CEP112: variants seen among roughly 807,000 people sequenced by gnomAD.
The protein encoded by CEP112 is centrosomal protein of 112 kDa.
CEP112 carries 127 observed loss-of-function variants against 153.0 expected under a neutral mutation model. The observed-to-expected ratio is 0.83, with a 90% CI of 0.72 to 0.96. CEP112 has a LOEUF of 0.96. Among genes scored for constraint, CEP112 ranks in the 40% least tolerant of loss-of-function variants. The pLI, the probability that CEP112 is intolerant of heterozygous loss-of-function variation, is 0.00. For missense variants in CEP112, 1,089 were observed against 1,101.2 expected (o/e 0.99, Z 0.16); for synonymous variants, 358 against 374.4 (o/e 0.96, Z 0.51).
At chr17:66,041,605 A>G (rs1340789755) in intron 12 of CEP112, among the ~76,000 whole-genome samples, 1 of 152,150 alleles carries the variant, frequency 6.6e-6, no homozygotes, top group Non-Finnish European at 1.5e-5. Context: ...TAACTAGCAC[A>G]CAGATATTGG....
intron 18 of CEP112, among the ~76,000 whole-genome samples, chr17:65,960,676 T>C (rs1298929122): frequency 1.3e-5 from 2 of 152,236 alleles, no homozygotes; most frequent in African/African-American, 4.8e-5. Flanking sequence ...CCTCTGCACA[T>C]GGCAAATTCA....
intron 8 of CEP112, among the ~76,000 whole-genome samples, chr17:66,082,607 A>G (rs1189416964): frequency 1.3e-5 from 2 of 152,140 alleles, no homozygotes; most frequent in African/African-American, 2.4e-5. Context: ...TACTAAAAAC[A>G]TAAAAATTAG....
rs1408216458 is a variant in CEP112 at position 65,995,481 on chromosome 17, A to G, written c.1736+10209T>C. Among the ~76,000 whole-genome samples the G allele has an allele frequency of 3.3e-5, 5 of 152,246 alleles. No homozygotes were observed. The East Asian group carries it at 9.7e-4, about 29-fold the overall frequency. Reference sequence around the variant, plus strand: ...GAGGTTCAAGTATAGTTCAAAATCTACTGCTCCATCTCTGGTCCCTGATAT... The same window carrying G: ...GAGGTTCAAGTATAGTTCAAAATCTGCTGCTCCATCTCTGGTCCCTGATAT... On this transcript the variant is annotated intron_variant, in intron 17 of 26. Coordinates refer to ENST00000535342, the MANE Select transcript of CEP112 (RefSeq NM_001199165.4).
chr17:66,011,145 T>C (rs2064509771), intron 16 of CEP112, among the ~76,000 whole-genome samples: 1 of 152,140 alleles, frequency 6.6e-6, no homozygotes, highest in Non-Finnish European at 1.5e-5. Flanking sequence ...AACTCATTAT[T>C]GGTTTGTTCA....
chr17:66,066,973 G>T, intron 9 of CEP112, 96 bp from the exon 10 acceptor site: 2 of 706,132 alleles, frequency 2.8e-6, no homozygotes, highest in Non-Finnish European at 4.1e-6. Context: ...AACATAAATA[G>T]AAAAAGTGAT....
In CEP112 at chr17:65,818,111, C is replaced by G. The variant is rs1438671952; in HGVS notation, c.2394+33693G>C. 9.9e-5 allele frequency among the ~76,000 whole-genome samples: 15 copies of G among 151,912 alleles called. No homozygotes were observed. In the South Asian group the frequency reaches 1.2e-3, roughly 13 times the overall value. ...TGCTAAACTTGAACATGAAGTTTAA[C>G]TGAACTAAACTGGTCTTGTAGCAAT... On this transcript the variant is annotated intron_variant, in intron 21 of 26. Coordinates refer to ENST00000535342, the MANE Select transcript of CEP112 (RefSeq NM_001199165.4).
rs909785292 is a variant in CEP112 at position 66,053,885 on chromosome 17, T to C, written c.1075-6A>G. 2 of 1,608,496 alleles carry C rather than the reference T, an allele frequency of 1.2e-6. No individual in the cohort carries two copies. The highest frequency in any genetic ancestry group is 1.7e-6 in the Non-Finnish European group (2 of 1,176,936). On this transcript the variant is annotated splice_region_variant and splice_polypyrimidine_tract_variant and intron_variant, in intron 11 of 26. Coordinates refer to ENST00000535342, the MANE Select transcript of CEP112 (RefSeq NM_001199165.4). ...TCTGCTACAGCATTGTGAAGCTACA[T>C]CAGGAAATCAAGAGTTGACTCTTTT...
At chr17:65,921,594 T>C (rs2060729342) in intron 19 of CEP112, among the ~76,000 whole-genome samples, 1 of 152,256 alleles carries the variant, frequency 6.6e-6, no homozygotes, top group East Asian at 1.9e-4. Context: ...CCTCTAGATA[T>C]AGAAAGAATA....
chr17:66,007,375 A>C (rs62065582), intron 16 of CEP112, among the ~76,000 whole-genome samples: 17 of 152,142 alleles, frequency 1.1e-4, no homozygotes, highest in Non-Finnish European at 2.2e-4. Context: ...TTGCCACTAC[A>C]TTTATTTTAT....
At chr17:65,792,317 T>G (rs1294838924) in intron 21 of CEP112, among the ~76,000 whole-genome samples, 6 of 152,212 alleles carry the variant, frequency 3.9e-5, no homozygotes, top group Non-Finnish European at 8.8e-5. Flanking sequence ...CTCTTTAGTA[T>G]CAGTTTACAA....
intron 16 of CEP112, among the ~76,000 whole-genome samples, chr17:66,013,288 C>T (rs527923716): frequency 9.8e-5 from 15 of 152,320 alleles, no homozygotes; most frequent in African/African-American, 3.6e-4. Flanking sequence ...AGAAGACACT[C>T]TGGCTTTTTG....
chr17:65,814,427 T>G (rs2056154097), intron 21 of CEP112, among the ~76,000 whole-genome samples: 1 of 152,318 alleles, frequency 6.6e-6, no homozygotes, highest in Non-Finnish European at 1.5e-5. Context: ...TCAAACTGTT[T>G]GAATCTTGTC....
chr17:65,750,826 C>T lies in CEP112; in HGVS notation c.2395-102G>A, dbSNP rs928781588. ...CAGCTGGGATGCCTGCCAGCTGCAC[C>T]GCCCTTCTGGGGCAGCCAGAAAACC... is the stretch of plus-strand genomic sequence containing the variant. On this transcript the variant is annotated intron_variant, in intron 21 of 26. Transcript: ENST00000535342. 5.2e-5 allele frequency: 53 copies of T among 1,024,826 alleles called. No individual in the cohort carries two copies. The East Asian group carries it at 8.2e-4, about 16-fold the overall frequency. 63.5% of individuals were successfully genotyped at this position (1,024,826 alleles called of 1,614,324 possible).
chr17:66,151,392 G>A (rs2071204641), intron 4 of CEP112, among the ~76,000 whole-genome samples: 1 of 152,054 alleles, frequency 6.6e-6, no homozygotes, highest in African/African-American at 2.4e-5. Context: ...TTTGTTCTAA[G>A]TATGTGCTAG....
intron 23 of CEP112, among the ~76,000 whole-genome samples, chr17:65,719,760 A>AT (rs200555567): frequency 1.3e-5 from 2 of 152,120 alleles, no homozygotes; most frequent in East Asian, 1.9e-4. Context: ...CTAACTGAAG[A>AT]TTTTTTAAAA....
chr17:66,128,302 CAA>C (rs33978059), intron 6 of CEP112, among the ~76,000 whole-genome samples: 1 of 73,552 alleles, frequency 1.4e-5, no homozygotes, highest in Admixed American at 1.9e-4. Flanking sequence ...GATTCTGTCT[CAA>C]AAAAAAAAAA....
intron 5 of CEP112, among the ~76,000 whole-genome samples, chr17:66,130,861 T>C (rs1266703891): frequency 6.6e-6 from 1 of 151,774 alleles, no homozygotes; most frequent in Non-Finnish European, 1.5e-5. Flanking sequence ...CCCTCCTGTA[T>C]AATTTTTGTA....
intron 21 of CEP112, among the ~76,000 whole-genome samples, chr17:65,759,601 T>C (rs1019349165): frequency 6.6e-6 from 1 of 152,210 alleles, no homozygotes; most frequent in Non-Finnish European, 1.5e-5. Context: ...AATTCATGAC[T>C]GCTGCCCTGG....
chr17:65,908,311 A>T (rs8080793), intron 19 of CEP112, among the ~76,000 whole-genome samples: 62,457 of 152,070 alleles, frequency 0.41, 13,337 homozygotes, highest in South Asian at 0.64. Flanking sequence ...TCCTTTGAGA[A>T]GCTAGGGTTG....
Sources: allele counts gnomAD v4.1 joint callset (sites outside exome capture counted in the v4.1 genomes callset), GRCh38; gene constraint gnomAD v4.1.1; transcripts MANE v1.5; gene names NCBI Gene and HGNC (gene_info 2026-07-23, HGNC 2026-07-21).